GNAQ: variants seen among roughly 807,000 people sequenced by gnomAD.
GNAQ encodes the protein G protein subunit alpha q.
Under a neutral mutation model 43.9 loss-of-function variants are expected in GNAQ, and 8 were observed. The ratio of observed to expected loss-of-function variants is 0.18; its 90% CI spans 0.11 to 0.33. The LOEUF is 0.33. GNAQ is among the 10% of genes least tolerant of loss of function. GNAQ has a pLI of 1.00. For missense variants in GNAQ, 158 were observed against 450.8 expected (o/e 0.35, Z 5.88); for synonymous variants, 155 against 170.7 (o/e 0.91, Z 0.71).
chr9:77,925,052 G>A (rs926669152), intron 1 of GNAQ, among the ~76,000 whole-genome samples: 2 of 152,042 alleles, frequency 1.3e-5, no homozygotes, highest in Non-Finnish European at 2.9e-5. Flanking sequence ...CTCCTGCTGG[G>A]TGGCCCTCTC....
At chr9:77,863,140 C>CT (rs1241133619) in intron 2 of GNAQ, among the ~76,000 whole-genome samples, 2 of 144,702 alleles carry the variant, frequency 1.4e-5, no homozygotes, top group Non-Finnish European at 3.0e-5. Context: ...AACCATTGTT[C>CT]TCCAGCCTGG....
chr9:77,825,323 C>CA (rs2118536089), intron 2 of GNAQ, among the ~76,000 whole-genome samples: 1 of 149,956 alleles, frequency 6.7e-6, no homozygotes, highest in South Asian at 2.2e-4. Context: ...CATACCTCCA[C>CA]AGTAAGACTG....
At chr9:77,740,536 A>G (rs576425890) in intron 5 of GNAQ, among the ~76,000 whole-genome samples, 15 of 152,238 alleles carry the variant, frequency 9.9e-5, no homozygotes, top group Non-Finnish European at 2.2e-4. Flanking sequence ...TATTGGCTTA[A>G]AAGTTTTTGC....
intron 1 of GNAQ, among the ~76,000 whole-genome samples, chr9:78,005,816 G>A (rs1453111632): frequency 3.9e-5 from 6 of 152,068 alleles, no homozygotes; most frequent in Non-Finnish European, 8.8e-5. Context: ...TGATTCACCT[G>A]GAAGACTCGC....
chr9:77,753,086 C>CAAAAA (rs547963667), intron 5 of GNAQ, among the ~76,000 whole-genome samples: 4 of 52,998 alleles, frequency 7.5e-5, no homozygotes, highest in Admixed American at 1.8e-4. Context: ...GACTCTGTCT[C>CAAAAA]AAAAAAAAAA....
At chr9:77,848,847 A>G (rs967585888) in intron 2 of GNAQ, among the ~76,000 whole-genome samples, 1 of 152,232 alleles carries the variant, frequency 6.6e-6, no homozygotes, top group Non-Finnish European at 1.5e-5. Flanking sequence ...AAAAGGAAAG[A>G]ACACAAGCAA....
intron 1 of GNAQ, among the ~76,000 whole-genome samples, chr9:77,978,824 C>T (rs911631692): frequency 5.3e-5 from 8 of 152,062 alleles, no homozygotes; most frequent in East Asian, 3.9e-4. Context: ...CTTTGGGAGG[C>T]GAGGCGAGTG....
chr9:77,893,529 G>A (rs566435832), intron 2 of GNAQ, among the ~76,000 whole-genome samples: 99 of 152,306 alleles, frequency 6.5e-4, no homozygotes, highest in Non-Finnish European at 1.2e-3. Context: ...ACTCAGTTGA[G>A]CAGCCCATGC....
At chr9:77,928,134 A>G (rs1490139680) in intron 1 of GNAQ, among the ~76,000 whole-genome samples, 2 of 152,226 alleles carry the variant, frequency 1.3e-5, no homozygotes, top group Non-Finnish European at 2.9e-5. Flanking sequence ...AACTCAATCC[A>G]TGTGTTGTCC....
chr9:77,909,858 G>A lies in GNAQ; in HGVS notation c.321+12303C>T, dbSNP rs577474493. 7.2e-5 allele frequency among the ~76,000 whole-genome samples: 11 copies of A among 152,006 alleles called. No homozygotes were observed. In the South Asian group the frequency reaches 2.3e-3, roughly 31 times the overall value. On this transcript the variant is annotated intron_variant, in intron 2 of 6. Coordinates refer to ENST00000286548, the MANE Select transcript of GNAQ (RefSeq NM_002072.5). ...GAGTAACTGCAGCTATTAATGAAGAGCTTATTTTTTTCTCTCCTGAAAGGA... is the reference window on the plus strand; with the variant it reads ...GAGTAACTGCAGCTATTAATGAAGAACTTATTTTTTTCTCTCCTGAAAGGA...
intron 5 of GNAQ, among the ~76,000 whole-genome samples, chr9:77,740,444 A>T (rs1186877076): frequency 6.6e-6 from 1 of 152,354 alleles, no homozygotes; most frequent in East Asian, 1.9e-4. Context: ...GAGAAATAAC[A>T]TAGGCAATCA....
chr9:77,767,032 C>T (rs1206274747), intron 5 of GNAQ, among the ~76,000 whole-genome samples: 1 of 152,088 alleles, frequency 6.6e-6, no homozygotes, highest in East Asian at 1.9e-4. Flanking sequence ...AACTAAATTA[C>T]CCTAACACAT....
chr9:77,741,796 G>C (rs1825657598), intron 5 of GNAQ, among the ~76,000 whole-genome samples: 2 of 152,156 alleles, frequency 1.3e-5, no homozygotes, highest in South Asian at 4.1e-4. Flanking sequence ...CTTTGTTAAT[G>C]AGAGACTAAT....
rs199508023 is a variant in GNAQ, at chr9:77,798,877, TG to T, written c.477-1230del. On this transcript the variant is annotated intron_variant, in intron 3 of 6. Coordinates refer to ENST00000286548, the MANE Select transcript of GNAQ (RefSeq NM_002072.5). Reference sequence around the variant, plus strand: ...TAGATACAGAGGGCTGACTGTATTATGGGGGGGTATCTAGTTCTATGAGATT... The same window carrying T: ...TAGATACAGAGGGCTGACTGTATTATGGGGGGTATCTAGTTCTATGAGATT... Among the ~76,000 whole-genome samples, 50 of 152,246 alleles carry T rather than the reference TG, an allele frequency of 3.3e-4. 1 individual carries two copies. In the South Asian group the frequency reaches 9.3e-3, roughly 28 times the overall value.
At position 77,938,177 on chromosome 9, in the gene GNAQ, T is replaced by C. The variant is rs537545165; in HGVS notation, c.137-15832A>G. ...TACAATGTAAATGCTATGTTAATAG[T>C]TGTTATACTGTATTGTTATTTAGGT... On this transcript the variant is annotated intron_variant, in intron 1 of 6. Transcript: ENST00000286548. 4.6e-5 allele frequency among the ~76,000 whole-genome samples: 7 copies of C among 152,336 alleles called. No homozygotes were observed. The South Asian group carries it at 1.2e-3, about 27-fold the overall frequency.
Position 77,815,789 on chromosome 9 carries a change from G to T in GNAQ, c.322-19C>A. ...CATGAGCCTGTTTAAATAAAAAAAG[G>T]CAGTTTTAATACCCTATTACTTTCC... On this transcript the variant is annotated intron_variant, in intron 2 of 6. Coordinates refer to ENST00000286548, the MANE Select transcript of GNAQ (RefSeq NM_002072.5). 1 of 1,599,122 alleles carries T rather than the reference G, an allele frequency of 6.3e-7. No individual in the cohort carries two copies.
At chr9:77,829,610 C>A (rs1827263709) in intron 2 of GNAQ, among the ~76,000 whole-genome samples, 1 of 152,160 alleles carries the variant, frequency 6.6e-6, no homozygotes, top group South Asian at 2.1e-4. Context: ...TGTGGCCCAC[C>A]CGCAGCCTTG....
At position 77,973,118 on chromosome 9, in the gene GNAQ, GT is replaced by G. The variant is rs549823550; in HGVS notation, c.137-50774del. Among the ~76,000 whole-genome samples, 10 of 152,042 alleles carry G rather than the reference GT, an allele frequency of 6.6e-5. No individual in the cohort carries two copies. The East Asian group carries it at 1.9e-3, about 29-fold the overall frequency. ...TGTGATCACATTCAAAACCAATGGG[GT>G]TTTTTTAGAGGTTAACAAATGATTC... On this transcript the variant is annotated intron_variant, in intron 1 of 6. Coordinates refer to ENST00000286548, the MANE Select transcript of GNAQ (RefSeq NM_002072.5).
chr9:77,964,617 A>G (rs1056603255), intron 1 of GNAQ, among the ~76,000 whole-genome samples: 1 of 152,214 alleles, frequency 6.6e-6, no homozygotes, highest in East Asian at 1.9e-4. Context: ...AGAGATCAGT[A>G]ACAGAAAGAT....
Sources: allele counts gnomAD v4.1 joint callset (sites outside exome capture counted in the v4.1 genomes callset), GRCh38; gene constraint gnomAD v4.1.1; transcripts MANE v1.5; gene names NCBI Gene and HGNC (gene_info 2026-07-23, HGNC 2026-07-21).